The following ADAMTSL1 variants were observed in gnomAD, a reference collection of about 807,000 sequenced individuals.
ADAMTSL1 encodes the protein ADAMTS like 1.
A neutral mutation model predicts 201.8 loss-of-function variants in ADAMTSL1; 126 were observed. That is an observed-to-expected ratio of 0.62 (90% CI 0.54 to 0.72). The LOEUF (loss-of-function observed/expected upper bound fraction) is 0.72, where lower values mean the gene tolerates loss of function less well. ADAMTSL1 is among the 30% of genes least tolerant of loss of function. ADAMTSL1 has a pLI of 0.00. For synonymous variants in ADAMTSL1, 1,121 were observed against 903.4 expected (o/e 1.24, Z -4.32); for missense variants, 2,679 against 2,277.8 (o/e 1.18, Z -3.59).
chr9:18,473,967 A>T (rs983878006), upstream of ADAMTSL1: 11 of 434,784 alleles, frequency 2.5e-5, no homozygotes, highest in Non-Finnish European at 4.5e-5. Flanking sequence ...GCACCGTTAC[A>T]CTTTCTCTGT....
At chr9:18,524,070 A>G (rs1818879375) in intron 2 of ADAMTSL1, among the ~76,000 whole-genome samples, 1 of 150,564 alleles carries the variant, frequency 6.6e-6, no homozygotes, top group Non-Finnish European at 1.5e-5. Context: ...CTTCCTACCC[A>G]TGAGCATGGA....
intron 1 of ADAMTSL1, among the ~76,000 whole-genome samples, chr9:18,061,431 T>C (rs1479839325): frequency 6.6e-6 from 1 of 152,206 alleles, no homozygotes; most frequent in East Asian, 1.9e-4. Context: ...AGTGGTACTA[T>C]GAACTCTTTC....
At chr9:18,614,575 T>TTTCCCTCC (rs1476888891) in intron 4 of ADAMTSL1, among the ~76,000 whole-genome samples, 1 of 152,110 alleles carries the variant, frequency 6.6e-6, no homozygotes, top group Admixed American at 6.5e-5. Flanking sequence ...TGTAAGCAGG[T>TTTCCCTCC]TTCCCTCCTG....
intron 1 of ADAMTSL1, among the ~76,000 whole-genome samples, chr9:17,948,584 C>G (rs554659446): frequency 6.6e-6 from 1 of 152,138 alleles, no homozygotes; most frequent in Non-Finnish European, 1.5e-5. Flanking sequence ...TAGGAAACAG[C>G]GTCAGATGAA....
chr9:18,627,919 G>C (rs868832459), intron 5 of ADAMTSL1, among the ~76,000 whole-genome samples: 6 of 152,144 alleles, frequency 3.9e-5, no homozygotes, highest in African/African-American at 1.4e-4. Flanking sequence ...GTTCAAGTCT[G>C]TTGCTCATTT....
intron 2 of ADAMTSL1, among the ~76,000 whole-genome samples, chr9:18,170,390 G>A (rs1827836356): frequency 1.3e-5 from 2 of 152,072 alleles, no homozygotes; most frequent in Admixed American, 6.6e-5. Flanking sequence ...TCTACATTTG[G>A]CAATATAGAG....
Position 18,728,468 on chromosome 9 carries a change from A to C in ADAMTSL1, c.2006+6803A>C, listed in dbSNP as rs76375452. ...TTTGCATCCCAATTCAGAGAAAAAA[A>C]AAACACACACACACACATAACAAGC... On this transcript the variant is annotated intron_variant, in intron 15 of 28. Coordinates refer to ENST00000380548, the MANE Select transcript of ADAMTSL1 (RefSeq NM_001040272.6). Among the ~76,000 whole-genome samples, 578 of 151,980 alleles carry C rather than the reference A, an allele frequency of 3.8e-3. 2 individuals are homozygous for C. The highest frequency in any genetic ancestry group is 0.012 in the African/African-American group (478 of 41,436).
chr9:18,434,453 A>C (rs1013205360), intron 2 of ADAMTSL1, among the ~76,000 whole-genome samples: 5 of 152,326 alleles, frequency 3.3e-5, no homozygotes, highest in Non-Finnish European at 7.4e-5. Flanking sequence ...AAGATAGACA[A>C]GATTCCTCAT....
intron 1 of ADAMTSL1, among the ~76,000 whole-genome samples, chr9:18,480,240 T>C (rs1821656220): frequency 6.6e-6 from 1 of 152,238 alleles, no homozygotes; most frequent in South Asian, 2.1e-4. Flanking sequence ...TGATAAACTG[T>C]ATTTGCCAGC....
At chr9:18,609,372 CCAAA>C (rs1328955240) in intron 4 of ADAMTSL1, among the ~76,000 whole-genome samples, 2 of 117,394 alleles carry the variant, frequency 1.7e-5, no homozygotes, top group African/African-American at 6.6e-5. Flanking sequence ...AGGTCATTTC[CCAAA>C]GAGCCAACCA....
At chr9:18,781,346 T>C (rs1821384109) in intron 19 of ADAMTSL1, among the ~76,000 whole-genome samples, 1 of 152,202 alleles carries the variant, frequency 6.6e-6, no homozygotes, top group African/African-American at 2.4e-5. Flanking sequence ...GGATCTAGGC[T>C]TGACTAAGCT....
At chr9:18,555,641 C>T (rs1821061908) in intron 3 of ADAMTSL1, among the ~76,000 whole-genome samples, 2 of 151,846 alleles carry the variant, frequency 1.3e-5, no homozygotes, top group Admixed American at 1.3e-4. Context: ...CTATGGCATC[C>T]CAGAGGGAGT....
chr9:18,213,141 C>G (rs944202438), intron 2 of ADAMTSL1, among the ~76,000 whole-genome samples: 1 of 152,172 alleles, frequency 6.6e-6, no homozygotes, highest in African/African-American at 2.4e-5. Context: ...AAGAAAGAAA[C>G]TGTAAGCTAC....
intron 2 of ADAMTSL1, among the ~76,000 whole-genome samples, chr9:18,310,391 A>AAAAAAAAAAAAAAAAAAAAC (rs1834093935): frequency 7.0e-6 from 1 of 141,946 alleles, no homozygotes; most frequent in Non-Finnish European, 1.5e-5. Flanking sequence ...AAAAAAAAAA[A>AAAAAAAAAAAAAAAAAAAAC]AAAAAAAACT....
rs117033450 is a variant in ADAMTSL1, at chr9:18,585,075, G to A, written c.474+10809G>A. ...CTACCCATTATCCAATTCCAAAGCC[G>A]GAAAGTGACACTTCATAGAAATTCA... On this transcript the variant is annotated intron_variant, in intron 4 of 28. Coordinates refer to ENST00000380548, the MANE Select transcript of ADAMTSL1 (RefSeq NM_001040272.6). Among the ~76,000 whole-genome samples the A allele has an allele frequency of 5.5e-4, 83 of 152,088 alleles. 1 individual carries two copies. The East Asian group carries it at 0.014, about 27-fold the overall frequency.
intron 1 of ADAMTSL1, among the ~76,000 whole-genome samples, chr9:17,942,892 C>T (rs1284375200): frequency 2.0e-5 from 3 of 152,050 alleles, no homozygotes; most frequent in Admixed American, 1.3e-4. Context: ...GAATGTCAAC[C>T]CTGATTGCAT....
At chr9:18,598,806 C>G (rs1824438292) in intron 4 of ADAMTSL1, among the ~76,000 whole-genome samples, 1 of 152,044 alleles carries the variant, frequency 6.6e-6, no homozygotes, top group Admixed American at 6.6e-5. Context: ...CACTTGAGTA[C>G]CAGTTTAGTT....
At chr9:18,574,486 T>C in intron 4 of ADAMTSL1, 1 of 604,082 alleles carries the variant, frequency 1.7e-6, no homozygotes, top group East Asian at 2.7e-5. Context: ...TTTCCTTGAG[T>C]GTCACTTGAA....
chr9:18,863,578 G>C (rs1827336380), intron 23 of ADAMTSL1, among the ~76,000 whole-genome samples: 1 of 152,196 alleles, frequency 6.6e-6, no homozygotes, highest in Admixed American at 6.5e-5. Flanking sequence ...TTCTCCCACA[G>C]CCTTCTAGGG....
Sources: gnomAD v4.1 joint callset for allele counts (sites outside exome capture counted in the v4.1 genomes callset) on GRCh38, gnomAD v4.1.1 for gene constraint, MANE v1.5 for transcripts, NCBI Gene and HGNC (gene_info 2026-07-23, HGNC 2026-07-21) for gene names.